The following EML6 variants were observed in gnomAD, a reference collection of about 807,000 sequenced individuals.
EML6 encodes the protein echinoderm microtubule-associated protein-like 6.
Under a neutral mutation model 240.1 loss-of-function variants are expected in EML6, and 154 were observed. The observed-to-expected ratio is 0.64, with a 90% CI of 0.56 to 0.73. EML6 has a LOEUF of 0.73. Among genes scored for constraint, EML6 ranks in the 30% least tolerant of loss-of-function variants. EML6 has a pLI of 0.00. For synonymous variants in EML6, 1,148 were observed against 899.0 expected (o/e 1.28, Z -4.95); for missense variants, 2,964 against 2,474.6 (o/e 1.20, Z -4.20).
intron 7 of EML6, among the ~76,000 whole-genome samples, chr2:54,832,436 G>A (rs1275692305): frequency 6.6e-6 from 1 of 152,208 alleles, no homozygotes; most frequent in Admixed American, 6.5e-5. Context: ...TTGGAGGCTG[G>A]CTGCCTGGGC....
chr2:54,859,478 A>T, intron 11 of EML6, 56 bp from the exon 12 acceptor site: 1 of 1,412,964 alleles, frequency 7.1e-7, no homozygotes, highest in Non-Finnish European at 9.7e-7. Flanking sequence ...GGGTTGTTTT[A>T]AACTAATGAA....
At chr2:54,760,066 A>T (rs1667912661) in intron 2 of EML6, among the ~76,000 whole-genome samples, 1 of 151,880 alleles carries the variant, frequency 6.6e-6, no homozygotes, top group Non-Finnish European at 1.5e-5. Context: ...AAATAGCCTA[A>T]CTTCCAGTTT....
chr2:54,958,968 T>C, intron 33 of EML6, 136 bp from the exon 34 acceptor site: 1 of 785,712 alleles, frequency 1.3e-6, no homozygotes, highest in Non-Finnish European at 1.9e-6. Flanking sequence ...ATTCTGCTGC[T>C]TTCCTTAGCA....
At chr2:54,744,939 CACACACACACACACACACACACA>C (rs1558520977) in intron 2 of EML6, among the ~76,000 whole-genome samples, 8 of 150,924 alleles carry the variant, frequency 5.3e-5, no homozygotes, top group South Asian at 2.1e-4. Context: ...CACACACACA[CACACACACACACACACACACACA>C]CCCTGCCATG....
At chr2:54,823,779 A>T (rs1026742663) in intron 5 of EML6, among the ~76,000 whole-genome samples, 1 of 147,174 alleles carries the variant, frequency 6.8e-6, no homozygotes, top group Non-Finnish European at 1.5e-5. Flanking sequence ...TTGATTTGTG[A>T]TTGTTTCCCT....
chr2:54,831,511 C>G (rs1207986861), intron 7 of EML6, among the ~76,000 whole-genome samples: 1 of 152,050 alleles, frequency 6.6e-6, no homozygotes, highest in Non-Finnish European at 1.5e-5. Flanking sequence ...GTCAGCGACG[C>G]CCTCCGTTAT....
chr2:54,961,190 T>TTTTTGTTTTG (rs1676490757), intron 35 of EML6, among the ~76,000 whole-genome samples: 1 of 109,314 alleles, frequency 9.1e-6, no homozygotes, highest in Non-Finnish European at 1.9e-5. Flanking sequence ...AGTAGTTTTT[T>TTTTTGTTTTG]TTTTTTTTTT....
At chr2:54,920,329 A>G (rs1206229965) in intron 26 of EML6, among the ~76,000 whole-genome samples, 2 of 152,212 alleles carry the variant, frequency 1.3e-5, no homozygotes, top group East Asian at 1.9e-4. Flanking sequence ...AAGATGAGAC[A>G]TTATAACTGA....
intron 24 of EML6, among the ~76,000 whole-genome samples, chr2:54,905,944 G>A (rs1043738439): frequency 1.3e-5 from 2 of 152,200 alleles, no homozygotes; most frequent in South Asian, 4.1e-4. Context: ...GCACCTGTGT[G>A]GCTGCCACAT....
chr2:54,759,402 G>A (rs898435738), intron 2 of EML6, among the ~76,000 whole-genome samples: 2 of 151,808 alleles, frequency 1.3e-5, no homozygotes, highest in African/African-American at 4.8e-5. Context: ...AGAAAGAATA[G>A]TGGTGGTAAC....
chr2:54,843,037 GATC>G (rs1167712397), intron 7 of EML6, among the ~76,000 whole-genome samples: 1 of 152,126 alleles, frequency 6.6e-6, no homozygotes, highest in African/African-American at 2.4e-5. Context: ...TGTTTAATAT[GATC>G]ATCAGCTGTT....
Position 54,866,884 on chromosome 2 carries a change from G to T in EML6, c.2051G>T (p.Gly684Val). 2 of 1,541,562 alleles carry T rather than the reference G, an allele frequency of 1.3e-6. No homozygotes were observed. The highest frequency in any genetic ancestry group is 1.8e-6 in the Non-Finnish European group (2 of 1,138,050). The change falls in exon 14 of 42, where the codon GGT becomes GTT. Residue 684 changes from glycine (G) to valine (V), a missense_variant and splice_region_variant. Coordinates refer to ENST00000356458, the MANE Select transcript of EML6 (RefSeq NM_001039753.4). ...AGCTTGAAACTCCAGTTCATACACG[G>T]GTGGGTGGCCTGTCATGGGCGCCCG... ...EDSLKLQFIH[G>V]YRGYDCRNNL... is the part of the protein sequence containing the mutation.
rs147291869 is a variant in EML6 at position 54,797,521 on chromosome 2, C to T, written c.198-15711C>T. Among the ~76,000 whole-genome samples the T allele has an allele frequency of 5.6e-3, 846 of 152,086 alleles. 10 individuals are homozygous for T. Among genetic ancestry groups the T allele is most frequent in the African/African-American group, 0.019 (806 of 41,486 alleles). ...GACCACTGCAATAAAGCGAGTCACA[C>T]AAATATTTTGGTTTCCTAGTGCATG... On this transcript the variant is annotated intron_variant, in intron 2 of 41. Transcript: ENST00000356458.
intron 24 of EML6, among the ~76,000 whole-genome samples, chr2:54,907,077 G>C (rs973872167): frequency 6.6e-6 from 1 of 152,254 alleles, no homozygotes; most frequent in East Asian, 1.9e-4. Flanking sequence ...AGGAACATCA[G>C]CTACCCCTGA....
At chr2:54,812,580 A>T (rs1447311640) in intron 2 of EML6, among the ~76,000 whole-genome samples, 2 of 152,162 alleles carry the variant, frequency 1.3e-5, no homozygotes, top group African/African-American at 4.8e-5. Flanking sequence ...GACTCCTTAA[A>T]ATACCAGTTG....
intron 29 of EML6, among the ~76,000 whole-genome samples, 185 bp from the exon 30 acceptor site, chr2:54,950,465 C>T (rs1017063511): frequency 6.6e-6 from 1 of 152,214 alleles, no homozygotes; most frequent in Non-Finnish European, 1.5e-5. Context: ...TTTCAGAAAA[C>T]TAAAGAAGGG....
chr2:54,806,985 C>T (rs988028245), intron 2 of EML6, among the ~76,000 whole-genome samples: 7 of 152,244 alleles, frequency 4.6e-5, no homozygotes, highest in Admixed American at 2.0e-4. Context: ...ACTATGCATA[C>T]GCATTAATAA....
chr2:54,886,514 C>T (rs1352117483), intron 17 of EML6, among the ~76,000 whole-genome samples: 1 of 152,106 alleles, frequency 6.6e-6, no homozygotes, highest in Non-Finnish European at 1.5e-5. Flanking sequence ...ACATTTAGAT[C>T]TGGTGAGAAT....
intron 32 of EML6, among the ~76,000 whole-genome samples, chr2:54,955,481 C>T (rs116420012): frequency 0.015 from 2,262 of 152,280 alleles, 34 homozygotes; most frequent in Admixed American, 0.027. Flanking sequence ...AAAGCTCTTG[C>T]GTAAAGCCCC....
Sources: gnomAD v4.1 joint callset for allele counts (sites outside exome capture counted in the v4.1 genomes callset) on GRCh38, gnomAD v4.1.1 for gene constraint, MANE v1.5 for transcripts, NCBI Gene and HGNC (gene_info 2026-07-23, HGNC 2026-07-21) for gene names.